Variants in THEMIS observed in about 807,000 individuals in gnomAD.
THEMIS encodes the protein protein THEMIS.
Under a neutral mutation model 52.6 loss-of-function variants are expected in THEMIS, and 37 were observed. The ratio of observed to expected loss-of-function variants is 0.70; its 90% confidence interval spans 0.54 to 0.93. The LOEUF is 0.93. Among genes scored for constraint, THEMIS ranks in the 40% least tolerant of loss-of-function variants. The probability of loss-of-function intolerance (pLI) is 0.00; values close to 1 mark genes in which losing one functional copy is unlikely to be tolerated. For synonymous variants in THEMIS, 292 were observed against 272.7 expected, an observed-to-expected ratio of 1.07 and a Z score of -0.70; for missense variants, 808 against 763.1, an observed-to-expected ratio of 1.06 and a Z score of -0.69.
intron 1 of THEMIS, among the ~76,000 whole-genome samples, chr6:127,896,039 A>T (rs1196962567): frequency 6.6e-6 from 1 of 151,356 alleles, no homozygotes; most frequent in African/African-American, 2.4e-5. Flanking sequence ...CATGTTTAAC[A>T]CTTTTTAATG....
chr6:127,700,977 T>A, the THEMIS span, among the ~76,000 whole-genome samples: 1 of 152,128 alleles, frequency 6.6e-6, no homozygotes, highest in Non-Finnish European at 1.5e-5. Context: ...CCAGGATAAG[T>A]ACTATTTTCA....
chr6:127,813,189 G>C lies in THEMIS; in HGVS notation c.1452C>G (p.Asp484Glu). The C allele has an allele frequency of 1.2e-6, 2 of 1,614,072 alleles. No individual in the cohort carries two copies. The highest frequency in any genetic ancestry group is 1.7e-6 in the Non-Finnish European group (2 of 1,180,018). The change falls in exon 4 of 6, where the codon GAC becomes GAG. Residue 484 changes from aspartate (D) to glutamate (E), a missense_variant. Coordinates refer to ENST00000368248, the MANE Select transcript of THEMIS (RefSeq NM_001010923.3). ...TTATGAGTAGGTAAGAGTCTGTAAT[G>C]TCCTCCTCCAACTGCAGTCCTGGTG... Reference protein sequence around the residue: ...AATPGLQLEEDITDSYLLISD... With the variant: ...AATPGLQLEEEITDSYLLISD...
chr6:127,761,614 C>T lies in THEMIS; in HGVS notation c.1759-41791G>A, dbSNP rs112468782. Among the ~76,000 whole-genome samples the T allele has an allele frequency of 1.8e-3, 268 of 152,200 alleles. 1 individual carries two copies. The highest frequency in any genetic ancestry group is 6.0e-3 in the African/African-American group (251 of 41,546). ...CTAGAGAAACCCCTGCTATACAGGACCTGATGAAACCCTTCCCTATAGAAA... is the reference window on the plus strand; with the variant it reads ...CTAGAGAAACCCCTGCTATACAGGATCTGATGAAACCCTTCCCTATAGAAA... On this transcript the variant is annotated intron_variant, in intron 4 of 5. Transcript: ENST00000368248.
chr6:127,882,779 T>C lies in THEMIS; in HGVS notation c.91+18063A>G, dbSNP rs540769573. ...CTAAGTATTTAAAACCTGTGAAATA[T>C]GAATACATGCGAGTAGAATACAATA... On this transcript the variant is annotated intron_variant, in intron 1 of 5. Transcript: ENST00000368248. Among the ~76,000 whole-genome samples the C allele has an allele frequency of 1.9e-3, 290 of 152,104 alleles. 2 individuals are homozygous for C. Among genetic ancestry groups the C allele is most frequent in the Middle Eastern group, 0.01 (3 of 294 alleles).
chr6:127,712,756 T>G (rs1284668565), intron 5 of THEMIS, among the ~76,000 whole-genome samples: 1 of 151,932 alleles, frequency 6.6e-6, no homozygotes, highest in Non-Finnish European at 1.5e-5. Flanking sequence ...GCTAAATAAG[T>G]GTCCTTCAAT....
At chr6:127,749,502 T>A (rs920403817) in intron 4 of THEMIS, among the ~76,000 whole-genome samples, 2 of 152,030 alleles carry the variant, frequency 1.3e-5, no homozygotes, top group Admixed American at 6.6e-5. Context: ...TATCACATTT[T>A]CATTTCTCCT....
intron 4 of THEMIS, among the ~76,000 whole-genome samples, chr6:127,737,664 C>T (rs1180683941): frequency 6.6e-6 from 1 of 152,118 alleles, no homozygotes; most frequent in Non-Finnish European, 1.5e-5. Flanking sequence ...ACTACATGGG[C>T]ACAAATATAT....
Position 127,859,445 on chromosome 6 carries a change from ATTATC to A in THEMIS, c.92-4262_92-4258del, listed in dbSNP as rs1286678282. ...TATTATGATTTCCTAGAGAAGAGACATTATCTTAACTATATGTATACCTCCCCCAC... is the reference window on the plus strand; with the variant it reads ...TATTATGATTTCCTAGAGAAGAGACATTAACTATATGTATACCTCCCCCAC... On this transcript the variant is annotated intron_variant, in intron 1 of 5. Coordinates refer to ENST00000368248, the MANE Select transcript of THEMIS (RefSeq NM_001010923.3). Among the ~76,000 whole-genome samples the A allele has an allele frequency of 3.5e-4, 53 of 152,244 alleles. 1 individual carries two copies. The highest frequency in any genetic ancestry group is 2.1e-4 in the Non-Finnish European group (14 of 67,992).
At chr6:127,826,534 AAAAG>A (rs1464663790) in intron 3 of THEMIS, among the ~76,000 whole-genome samples, 2 of 152,174 alleles carry the variant, frequency 1.3e-5, no homozygotes, top group Admixed American at 6.5e-5. Flanking sequence ...ATTTTTTCAA[AAAAG>A]AAAGAGAGTT....
At chr6:127,868,810 G>A (rs1175471885) in intron 1 of THEMIS, among the ~76,000 whole-genome samples, 1 of 152,112 alleles carries the variant, frequency 6.6e-6, no homozygotes, top group Non-Finnish European at 1.5e-5. Context: ...GCTTTTCAGA[G>A]AGGATCCATG....
intron 5 of THEMIS, among the ~76,000 whole-genome samples, chr6:127,716,817 G>T (rs1774181315): frequency 6.6e-6 from 1 of 151,984 alleles, no homozygotes; most frequent in Non-Finnish European, 1.5e-5. Flanking sequence ...TGCTGCTGAA[G>T]TAAGATGGGG....
rs529031185 is a variant in THEMIS, at chr6:127,721,715, T to G, written c.1759-1892A>C. Among the ~76,000 whole-genome samples the G allele has an allele frequency of 7.2e-5, 11 of 152,138 alleles. No homozygotes were observed. The South Asian group carries it at 2.3e-3, about 32-fold the overall frequency. On this transcript the variant is annotated intron_variant, in intron 4 of 5. Transcript: ENST00000368248. ...TGTCAGGCCTCTATTATCATGTAGT[T>G]TTTGGAAAGAAGCAGATTTCAGCAT...
At chr6:127,815,504 G>A (rs543321858) in intron 3 of THEMIS, among the ~76,000 whole-genome samples, 1 of 151,954 alleles carries the variant, frequency 6.6e-6, no homozygotes, top group South Asian at 2.1e-4. Flanking sequence ...CAAGGAAAAA[G>A]TATTATTTTC....
At chr6:127,719,870 C>T in intron 4 of THEMIS, 47 bp from the exon 5 acceptor site, 4 of 1,593,108 alleles carry the variant, frequency 2.5e-6, no homozygotes, top group East Asian at 2.3e-5. Context: ...AAAATAAATG[C>T]TTCATAGAGA....
the THEMIS span, among the ~76,000 whole-genome samples, chr6:127,701,203 A>G: frequency 6.6e-6 from 1 of 152,104 alleles, no homozygotes; most frequent in African/African-American, 2.4e-5. Flanking sequence ...TCTTTCTATT[A>G]CCATAAAGCA....
intron 1 of THEMIS, among the ~76,000 whole-genome samples, chr6:127,916,473 C>T (rs944011971): frequency 1.3e-5 from 2 of 152,264 alleles, no homozygotes; most frequent in African/African-American, 2.4e-5. Flanking sequence ...CTATCCCAAC[C>T]TCTGTTCACT....
chr6:127,719,878 A>C, intron 4 of THEMIS, 55 bp from the exon 5 acceptor site: 5 of 1,582,130 alleles, frequency 3.2e-6, no homozygotes, highest in Non-Finnish European at 8.6e-7. Flanking sequence ...TGCTTCATAG[A>C]GATATGAAAG....
At chr6:127,853,257 T>C (rs905784280) in intron 2 of THEMIS, among the ~76,000 whole-genome samples, 1 of 151,626 alleles carries the variant, frequency 6.6e-6, no homozygotes, top group African/African-American at 2.4e-5. Flanking sequence ...ACTATAGTGA[T>C]TTAAAAAGGG....
rs1010484769 is a variant in THEMIS, at chr6:127,785,542, A to G, written c.1758+27341T>C. ...TTAACTAGAGAGTTCTGTGTGGACT[A>G]TATTTATCTTCTTTAGATCTTATTT... On this transcript the variant is annotated intron_variant, in intron 4 of 5. Coordinates refer to ENST00000368248, the MANE Select transcript of THEMIS (RefSeq NM_001010923.3). 3.3e-5 allele frequency among the ~76,000 whole-genome samples: 5 copies of G among 151,806 alleles called. No individual in the cohort carries two copies. The East Asian group carries it at 7.7e-4, about 23-fold the overall frequency.
Sources: allele counts gnomAD v4.1 joint callset (sites outside exome capture counted in the v4.1 genomes callset), GRCh38; gene constraint gnomAD v4.1.1; transcripts MANE v1.5; gene names NCBI Gene and HGNC (gene_info 2026-07-23, HGNC 2026-07-21).